Variants in KCNIP1 observed in about 807,000 individuals in gnomAD.
KCNIP1 encodes the protein A-type potassium channel modulatory protein KCNIP1.
A neutral mutation model predicts 33.0 loss-of-function variants in KCNIP1; 18 were observed. That is an observed-to-expected ratio of 0.55 (90% CI 0.38 to 0.81). KCNIP1 has a LOEUF of 0.81. Ranked by LOEUF, KCNIP1 falls within the 30% of genes least tolerant of loss-of-function variation. KCNIP1 has a pLI of 0.00. For missense variants in KCNIP1, 238 were observed against 271.6 expected (o/e 0.88, Z 0.87); for synonymous variants, 93 against 98.3 (o/e 0.95, Z 0.32).
chr5:170,489,724 T>C lies in KCNIP1; in HGVS notation c.88+135760T>C, dbSNP rs1352358753. ...AAAAATGGAGGCTCAGGGCAGAAGTTACCCCCTTTACAACTGACGGGAGCT... is the reference window on the plus strand; with the variant it reads ...AAAAATGGAGGCTCAGGGCAGAAGTCACCCCCTTTACAACTGACGGGAGCT... On this transcript the variant is annotated intron_variant, in intron 1 of 7. Transcript: ENST00000377360. This position sits in a 1 kb window ranked among gnomAD's most constrained non-coding sequence, Gnocchi z 4.3. 6.6e-6 allele frequency among the ~76,000 whole-genome samples: 1 copy of C among 152,188 alleles called. No homozygotes were observed. The highest frequency in any genetic ancestry group is 2.4e-5 in the African/African-American group (1 of 41,454).
At chr5:170,545,236 A>G (rs1190603936) in intron 1 of KCNIP1, among the ~76,000 whole-genome samples, 3 of 152,186 alleles carry the variant, frequency 2.0e-5, no homozygotes, top group Non-Finnish European at 4.4e-5. Flanking sequence ...TTGTTGAAAA[A>G]TCCACCTTAT....
At chr5:170,648,005 T>G (rs1057193864) in intron 1 of KCNIP1, among the ~76,000 whole-genome samples, 1 of 152,160 alleles carries the variant, frequency 6.6e-6, no homozygotes, top group Non-Finnish European at 1.5e-5. Context: ...GATATACAGA[T>G]GGCAAGTAAG....
At chr5:170,704,528 G>A (rs530581381) in intron 1 of KCNIP1, among the ~76,000 whole-genome samples, 2 of 152,144 alleles carry the variant, frequency 1.3e-5, no homozygotes, top group East Asian at 1.9e-4. Flanking sequence ...TTGGGGAATC[G>A]TCTGGAAAGG....
At chr5:170,456,493 A>G (rs1374862123) in intron 1 of KCNIP1, among the ~76,000 whole-genome samples, 1 of 152,098 alleles carries the variant, frequency 6.6e-6, no homozygotes, top group Non-Finnish European at 1.5e-5. Flanking sequence ...AAAAAAAGAA[A>G]AAACATCTCA....
intron 1 of KCNIP1, among the ~76,000 whole-genome samples, chr5:170,477,480 A>G (rs1756883842): frequency 6.6e-6 from 1 of 152,096 alleles, no homozygotes; most frequent in South Asian, 2.1e-4. Flanking sequence ...TCTGTAGCCC[A>G]GGCTGGAGTG....
At chr5:170,441,238 G>A (rs1217594052) in intron 1 of KCNIP1, among the ~76,000 whole-genome samples, 1 of 152,240 alleles carries the variant, frequency 6.6e-6, no homozygotes, top group Non-Finnish European at 1.5e-5. Flanking sequence ...GCAACCGTGT[G>A]TGCACAGTTA....
intron 1 of KCNIP1, among the ~76,000 whole-genome samples, chr5:170,476,814 A>G (rs988495182): frequency 1.3e-5 from 2 of 152,216 alleles, no homozygotes; most frequent in Non-Finnish European, 2.9e-5. Context: ...AGATCCTTCT[A>G]TTCATGAAAA....
At chr5:170,531,911 A>G (rs1755803487) in intron 1 of KCNIP1, among the ~76,000 whole-genome samples, 1 of 149,290 alleles carries the variant, frequency 6.7e-6, no homozygotes, top group Non-Finnish European at 1.5e-5. Flanking sequence ...TCCTGCCCCC[A>G]TCTTCCCGAT....
At chr5:170,655,750 G>A (rs141809480) in intron 1 of KCNIP1, among the ~76,000 whole-genome samples, 304 of 152,260 alleles carry the variant, frequency 2.0e-3, no homozygotes, top group Non-Finnish European at 3.8e-3. Flanking sequence ...TTGACATTCT[G>A]CTTGGGGAAA....
intron 1 of KCNIP1, among the ~76,000 whole-genome samples, chr5:170,527,906 AAT>A (rs1274669472): frequency 6.6e-6 from 1 of 152,114 alleles, no homozygotes; most frequent in East Asian, 1.9e-4. Context: ...CACTTAAATT[AAT>A]AGTTTCATAA....
intron 1 of KCNIP1, among the ~76,000 whole-genome samples, chr5:170,669,817 T>C (rs528265101): frequency 6.6e-6 from 1 of 152,340 alleles, no homozygotes; most frequent in East Asian, 1.9e-4. Flanking sequence ...CCATTTTCGC[T>C]TTTCCCCCTC....
At chr5:170,408,268 A>G (rs766076966) in intron 1 of KCNIP1, among the ~76,000 whole-genome samples, 2 of 152,192 alleles carry the variant, frequency 1.3e-5, no homozygotes, top group African/African-American at 4.8e-5. Flanking sequence ...AGAACTGTTT[A>G]TGGAAGAGTT....
chr5:170,734,012 A>G, intron 7 of KCNIP1, 114 bp downstream of exon 7: 1 of 742,522 alleles, frequency 1.3e-6, no homozygotes, highest in South Asian at 1.7e-5. Context: ...AACCCCTCCC[A>G]TCAGAGCCAA....
chr5:170,512,700 C>T (rs1392813389), intron 1 of KCNIP1, among the ~76,000 whole-genome samples: 1 of 152,232 alleles, frequency 6.6e-6, no homozygotes. Flanking sequence ...GTCTACTCCA[C>T]TTAAAGTGTG....
intron 1 of KCNIP1, among the ~76,000 whole-genome samples, chr5:170,603,825 G>A (rs1450636332): frequency 6.6e-6 from 1 of 152,208 alleles, no homozygotes. Flanking sequence ...AAGTCAGAAA[G>A]CATCTGAAAT....
chr5:170,502,326 C>T (rs1246792732), upstream of KCNIP1, among the ~76,000 whole-genome samples: 3 of 152,198 alleles, frequency 2.0e-5, no homozygotes, highest in Non-Finnish European at 4.4e-5. Context: ...ATAAATGCTG[C>T]ACAGGTGAAG....
At chr5:170,634,784 T>C (rs956083749) in intron 1 of KCNIP1, among the ~76,000 whole-genome samples, 13 of 152,240 alleles carry the variant, frequency 8.5e-5, no homozygotes, top group Admixed American at 2.0e-4. Context: ...ATCATTAATA[T>C]GATACATTTT....
chr5:170,649,707 G>A (rs1760957272), intron 1 of KCNIP1, among the ~76,000 whole-genome samples: 1 of 152,092 alleles, frequency 6.6e-6, no homozygotes, highest in African/African-American at 2.4e-5. Context: ...TAGGAGCACT[G>A]ACCTGTTCAC....
intron 1 of KCNIP1, among the ~76,000 whole-genome samples, chr5:170,649,836 T>G (rs1314247154): frequency 2.6e-5 from 4 of 152,216 alleles, no homozygotes; most frequent in Non-Finnish European, 5.9e-5. Flanking sequence ...GTCTTGTCTT[T>G]TCTTTGTCAT....
Sources: gnomAD v4.1 joint callset for allele counts (sites outside exome capture counted in the v4.1 genomes callset) on GRCh38, gnomAD v4.1.1 for gene constraint, Gnocchi (gnomAD v3.1) non-coding constraint, MANE v1.5 for transcripts, NCBI Gene and HGNC (gene_info 2026-07-23, HGNC 2026-07-21) for gene names.